MYO1B: variants seen among roughly 807,000 people sequenced by gnomAD.
The protein encoded by MYO1B is myosin IB, also known as unconventional myosin-Ib.
Under a neutral mutation model 159.7 loss-of-function variants are expected in MYO1B, and 72 were observed. The observed-to-expected ratio is 0.45, with a 90% CI of 0.37 to 0.55. The LOEUF (loss-of-function observed/expected upper bound fraction) is 0.55. Ranked by LOEUF, MYO1B falls within the 20% of genes least tolerant of loss-of-function variation. MYO1B has a pLI of 0.00. For synonymous variants in MYO1B, 468 were observed against 473.8 expected (o/e 0.99, Z 0.16); for missense variants, 1,062 against 1,364.8 (o/e 0.78, Z 3.50).
intron 3 of MYO1B, among the ~76,000 whole-genome samples, chr2:191,306,163 A>T (rs1689640131): frequency 6.6e-6 from 1 of 152,136 alleles, no homozygotes. Flanking sequence ...GGGAGTCACG[A>T]GTGGTTTACT....
chr2:191,332,636 T>C (rs1691565786), intron 4 of MYO1B, among the ~76,000 whole-genome samples: 1 of 152,186 alleles, frequency 6.6e-6, no homozygotes, highest in East Asian at 1.9e-4. Flanking sequence ...AGTATTTTTG[T>C]TATTTCAGTT....
chr2:191,248,620 A>G (rs1292363183), intron 1 of MYO1B, among the ~76,000 whole-genome samples: 2 of 152,180 alleles, frequency 1.3e-5, no homozygotes, highest in Non-Finnish European at 2.9e-5. Flanking sequence ...ACAATTCAAA[A>G]TTCTAAGTAT....
intron 3 of MYO1B, among the ~76,000 whole-genome samples, chr2:191,303,454 T>G (rs914336595): frequency 6.6e-5 from 10 of 152,238 alleles, no homozygotes; most frequent in Non-Finnish European, 8.8e-5. Context: ...GGTTTTATGC[T>G]TTCCCATCTA....
chr2:191,414,495 A>G (rs137878823), intron 28 of MYO1B, 22 bp from the exon 29 acceptor site: 32 of 1,584,440 alleles, frequency 2.0e-5, no homozygotes, highest in Non-Finnish European at 2.5e-5. Context: ...TTGGTTTTAT[A>G]CTATTTTTTA....
intron 1 of MYO1B, among the ~76,000 whole-genome samples, chr2:191,253,717 CCT>C (rs1475825993): frequency 6.6e-6 from 1 of 152,198 alleles, no homozygotes; most frequent in Non-Finnish European, 1.5e-5. Flanking sequence ...ATCACATTCT[CCT>C]CTGTTTCCCC....
intron 1 of MYO1B, among the ~76,000 whole-genome samples, chr2:191,267,516 A>G (rs1000652255): frequency 6.6e-6 from 1 of 152,212 alleles, no homozygotes; most frequent in Non-Finnish European, 1.5e-5. Context: ...TGAGAGAATT[A>G]TAATTGGTGA....
intron 3 of MYO1B, among the ~76,000 whole-genome samples, chr2:191,309,944 G>A (rs975643181): frequency 7.2e-5 from 11 of 152,288 alleles, no homozygotes; most frequent in Admixed American, 5.2e-4. Flanking sequence ...AATGCCTGGC[G>A]CAGAGCAGCC....
At chr2:191,299,146 C>T (rs536299629) in intron 3 of MYO1B, among the ~76,000 whole-genome samples, 1 of 151,246 alleles carries the variant, frequency 6.6e-6, no homozygotes, top group East Asian at 1.9e-4. Context: ...AGTTCATGCT[C>T]CAGAATATAC....
At chr2:191,387,772 G>GT (rs1014955407) in intron 17 of MYO1B, 5 of 342,022 alleles carry the variant, frequency 1.5e-5, no homozygotes, top group African/African-American at 8.5e-5. Context: ...AAATGCAAGT[G>GT]TTTTTTCTGG....
At chr2:191,250,430 C>T (rs1686040683) in intron 1 of MYO1B, among the ~76,000 whole-genome samples, 1 of 152,124 alleles carries the variant, frequency 6.6e-6, no homozygotes. Flanking sequence ...CATGGCAGGT[C>T]CTTGGTACCT....
intron 11 of MYO1B, among the ~76,000 whole-genome samples, 155 bp from the exon 12 acceptor site, chr2:191,369,387 A>G (rs773775262): frequency 8.5e-5 from 13 of 152,230 alleles, no homozygotes; most frequent in Non-Finnish European, 1.6e-4. Context: ...TAATTCTCTT[A>G]AAGGTTTGAT....
chr2:191,291,107 C>T (rs536300386), intron 2 of MYO1B, among the ~76,000 whole-genome samples: 23 of 152,254 alleles, frequency 1.5e-4, no homozygotes, highest in African/African-American at 5.1e-4. Flanking sequence ...GAATAAAACA[C>T]GTGGCCTTTA....
intron 2 of MYO1B, among the ~76,000 whole-genome samples, chr2:191,283,631 C>T (rs1022447755): frequency 3.9e-5 from 6 of 152,066 alleles, no homozygotes; most frequent in African/African-American, 9.7e-5. Context: ...ATGAAGAAAC[C>T]GAGGCTCATA....
intron 13 of MYO1B, chr2:191,370,819 T>A (rs1334812707): frequency 6.6e-6 from 1 of 152,308 alleles, no homozygotes; most frequent in Non-Finnish European, 1.5e-5. Flanking sequence ...TGAGTCTCAT[T>A]ACTGTGATCT....
At chr2:191,253,933 T>C (rs1011278862) in intron 1 of MYO1B, among the ~76,000 whole-genome samples, 4 of 152,222 alleles carry the variant, frequency 2.6e-5, no homozygotes, top group Non-Finnish European at 4.4e-5. Flanking sequence ...TTTTATCATT[T>C]TGTATGTAAA....
At chr2:191,246,086 G>C (rs1227301212) in intron 1 of MYO1B, 1 of 152,356 alleles carries the variant, frequency 6.6e-6, no homozygotes, top group Non-Finnish European at 1.5e-5. Flanking sequence ...GTTCAGGTGC[G>C]GTGTGCCCCG....
chr2:191,277,905 T>G (rs759887902), intron 2 of MYO1B, among the ~76,000 whole-genome samples: 25 of 152,310 alleles, frequency 1.6e-4, no homozygotes, highest in Non-Finnish European at 2.6e-4. Context: ...TTGGGCATGC[T>G]TAATATTTTT....
chr2:191,404,999 C>T (rs1233171550), intron 24 of MYO1B, among the ~76,000 whole-genome samples: 1 of 152,146 alleles, frequency 6.6e-6, no homozygotes, highest in Non-Finnish European at 1.5e-5. Flanking sequence ...TTCTGTATAG[C>T]ATATGTTGGC....
rs1208706581 is a variant in MYO1B, at chr2:191,313,225, T to TTTG, written c.252-16709_252-16707dup. Among the ~76,000 whole-genome samples, 73 of 77,440 alleles carry TTTG rather than the reference T, an allele frequency of 9.4e-4. 1 individual carries two copies. Among genetic ancestry groups the TTTG allele is most frequent in the Non-Finnish European group, 1.6e-3 (61 of 37,078 alleles). The allele number at this position is 77,440 out of a possible 152,430, so 50.8% of individuals were successfully genotyped here. On this transcript the variant is annotated intron_variant, in intron 3 of 30. Coordinates refer to ENST00000392318, the MANE Select transcript of MYO1B (RefSeq NM_001130158.3). Reference sequence around the variant, plus strand: ...TTTTTTTTTTTTTTTTTTTTTTTTTTTTGAGACGGAGTTTCACTCTTGTTG... The same window carrying TTTG: ...TTTTTTTTTTTTTTTTTTTTTTTTTTTTGTTGAGACGGAGTTTCACTCTTGTTG...
Sources: allele counts gnomAD v4.1 joint callset (sites outside exome capture counted in the v4.1 genomes callset), GRCh38; gene constraint gnomAD v4.1.1; transcripts MANE v1.5; gene names NCBI Gene and HGNC (gene_info 2026-07-23, HGNC 2026-07-21).